OGDH: variants seen among roughly 807,000 people sequenced by gnomAD.
OGDH encodes the protein 2-oxoglutarate dehydrogenase complex component E1.
In OGDH, 38 loss-of-function variants were observed where a neutral mutation model predicts 116.6. That is an observed-to-expected ratio of 0.33 (90% CI 0.25 to 0.43). The LOEUF is 0.43. Among genes scored for constraint, OGDH ranks in the 20% least tolerant of loss-of-function variants. OGDH has a pLI of 1.00. For synonymous variants in OGDH, 488 were observed against 533.3 expected (o/e 0.92, Z 1.17); for missense variants, 825 against 1,357.2 (o/e 0.61, Z 6.16).
chr7:44,698,657 A>T (rs191342889), intron 18 of OGDH, among the ~76,000 whole-genome samples: 34 of 152,032 alleles, frequency 2.2e-4, no homozygotes, highest in Admixed American at 2.0e-3. Flanking sequence ...CCTGGGCAAC[A>T]TGGTGAGACC....
rs778518075 is a variant in OGDH at position 44,675,183 on chromosome 7, G to A, written c.941G>A (p.Arg314Gln). 8 of 1,613,848 alleles carry A rather than the reference G, an allele frequency of 5.0e-6. No homozygotes were observed. Among genetic ancestry groups the A allele is most frequent in the Non-Finnish European group, 5.1e-6 (6 of 1,179,936 alleles). ...YVIMGMPHRG[R>Q]LNVLANVIRK... ...TACTCGCCCATACGTTCCAGAGGGC[G>A]GCTGAACGTGCTTGCAAATGTCATC... The change falls in exon 8 of 23, where the codon CGG (arginine) becomes CAG (glutamine). Residue 314 changes from arginine (R) to glutamine (Q), a missense_variant. By Grantham distance (43) the Arg-to-Gln change is conservative (BLOSUM62 1). Transcript: ENST00000222673.
chr7:44,628,338 C>T (rs1380207430), intron 2 of OGDH, among the ~76,000 whole-genome samples: 2 of 151,668 alleles, frequency 1.3e-5, no homozygotes, highest in South Asian at 2.1e-4. Flanking sequence ...CTTAAAGCTG[C>T]CCTTTTACAT....
In OGDH at chr7:44,707,077, AG is replaced by A. The variant is rs1789111204; in HGVS notation, c.2633-145del. 19 of 743,386 alleles carry A rather than the reference AG, an allele frequency of 2.6e-5. 1 individual carries two copies. The highest frequency in any genetic ancestry group is 3.7e-4 in the Middle Eastern group (1 of 2,678). The allele number at this position is 743,386 out of a possible 1,614,324, so 46.0% of individuals were successfully genotyped here. On this transcript the variant is annotated intron_variant, in intron 20 of 22. Coordinates refer to ENST00000222673, the MANE Select transcript of OGDH (RefSeq NM_002541.4). This position sits in a 1 kb window ranked among gnomAD's most constrained non-coding sequence, Gnocchi z 5.2. ...AAGTGTGCCTGGTCTGAGCAAATACAGGGCATCAGAGGCTGGTGAAGGGGAA... is the reference window on the plus strand; with the variant it reads ...AAGTGTGCCTGGTCTGAGCAAATACAGGCATCAGAGGCTGGTGAAGGGGAA...
intron 2 of OGDH, among the ~76,000 whole-genome samples, chr7:44,637,153 A>G (rs1285511566): frequency 1.3e-5 from 2 of 152,220 alleles, no homozygotes; most frequent in Non-Finnish European, 2.9e-5. Context: ...ATGTGGCAGT[A>G]TCATGAGTCT....
chr7:44,670,790 C>G (rs976788001), intron 5 of OGDH, among the ~76,000 whole-genome samples: 2 of 151,876 alleles, frequency 1.3e-5, no homozygotes, highest in African/African-American at 4.8e-5. Context: ...GCGGGCGAAT[C>G]ACGAGGTCAG....
chr7:44,610,080 G>A (rs546900550), intron 1 of OGDH, among the ~76,000 whole-genome samples: 69 of 151,924 alleles, frequency 4.5e-4, no homozygotes, highest in African/African-American at 1.6e-3. Flanking sequence ...CCTCCCAAAG[G>A]CTAGGATTTC....
intron 3 of OGDH, 34 bp from the exon 4 acceptor site, chr7:44,647,623 T>A (rs1786247382): frequency 6.3e-7 from 1 of 1,592,548 alleles, no homozygotes. Context: ...TCCTTTTGTG[T>A]GTGTCCTTCC....
chr7:44,707,711 A>G lies in OGDH; in HGVS notation c.2926A>G (p.Thr976Ala). 2 of 1,614,162 alleles carry G rather than the reference A, an allele frequency of 1.2e-6. No homozygotes were observed. The highest frequency in any genetic ancestry group is 2.2e-5 in the South Asian group (2 of 91,088). ...CTACGTGAAGCCAAGACTTCGGACCACCATCAGCCGCGCCAAGCCCGTCTG... is the reference window on the plus strand; with the variant it reads ...CTACGTGAAGCCAAGACTTCGGACCGCCATCAGCCGCGCCAAGCCCGTCTG... Reference protein sequence around the residue: ...YDYVKPRLRTTISRAKPVWYA... With the variant: ...YDYVKPRLRTAISRAKPVWYA... Residue 976 changes from threonine (T) to alanine (A), a missense_variant, in exon 22 of 23, where the codon ACC (threonine) becomes GCC (alanine). By Grantham distance (58) the Thr-to-Ala change is moderately conservative. Transcript: ENST00000222673. This position sits in a 1 kb window ranked among gnomAD's most constrained non-coding sequence, Gnocchi z 5.2.
At chr7:44,628,762 CTTCTA>C (rs988179190) in intron 2 of OGDH, among the ~76,000 whole-genome samples, 3 of 151,994 alleles carry the variant, frequency 2.0e-5, no homozygotes, top group African/African-American at 7.2e-5. Context: ...TTAAAAAAAA[CTTCTA>C]TTCTTAAAAT....
intron 2 of OGDH, among the ~76,000 whole-genome samples, chr7:44,637,519 G>T (rs994503181): frequency 1.3e-5 from 2 of 152,114 alleles, no homozygotes; most frequent in Non-Finnish European, 2.9e-5. Context: ...AGAAATAATG[G>T]TATTCATTGG....
rs533523700 is a variant in OGDH at position 44,681,669 on chromosome 7, G to T, written c.1207-51G>T. 119 of 1,583,284 alleles carry T rather than the reference G, an allele frequency of 7.5e-5. No homozygotes were observed. The East Asian group carries it at 2.5e-3, about 33-fold the overall frequency. On this transcript the variant is annotated intron_variant, in intron 9 of 22. Coordinates refer to ENST00000222673, the MANE Select transcript of OGDH (RefSeq NM_002541.4). ...ATGCATTTCCTCTGTTTACCTTGTGGACTTGGCAATCAGAACATTCTGGAT... is the reference window on the plus strand; with the variant it reads ...ATGCATTTCCTCTGTTTACCTTGTGTACTTGGCAATCAGAACATTCTGGAT...
intron 1 of OGDH, among the ~76,000 whole-genome samples, chr7:44,612,919 C>T (rs1235726440): frequency 4.0e-5 from 6 of 149,858 alleles, no homozygotes; most frequent in Admixed American, 2.7e-4. Flanking sequence ...GTCACTCTGT[C>T]GCCCAGGCTG....
chr7:44,646,050 G>A (rs1312651110), intron 3 of OGDH, among the ~76,000 whole-genome samples: 1 of 152,182 alleles, frequency 6.6e-6, no homozygotes, highest in Non-Finnish European at 1.5e-5. Context: ...TGCAGTTAGT[G>A]GCCAGTCTCG....
chr7:44,691,375 A>G (rs1365633443), intron 10 of OGDH, among the ~76,000 whole-genome samples: 2 of 151,826 alleles, frequency 1.3e-5, no homozygotes. Flanking sequence ...AACAAAACAA[A>G]ACAAAAATTA....
intron 19 of OGDH, 144 bp downstream of exon 19, chr7:44,700,413 G>T: frequency 1.9e-6 from 2 of 1,056,332 alleles, no homozygotes; most frequent in Middle Eastern, 3.0e-4. Flanking sequence ...GTGTCAGGGA[G>T]CCTCGCCCTT....
At chr7:44,614,900 G>A (rs1006073793) in intron 1 of OGDH, among the ~76,000 whole-genome samples, 5 of 148,172 alleles carry the variant, frequency 3.4e-5, no homozygotes, top group Middle Eastern at 3.4e-3. Flanking sequence ...GCAGTGGCGC[G>A]ATCTCAGCTC....
chr7:44,671,150 A>G (rs1320813796), intron 5 of OGDH, among the ~76,000 whole-genome samples: 5 of 152,294 alleles, frequency 3.3e-5, no homozygotes, highest in Admixed American at 1.3e-4. Context: ...TTGGCTCACA[A>G]TCTAATTGGG....
chr7:44,630,030 G>A (rs1205722677), intron 2 of OGDH, among the ~76,000 whole-genome samples: 1 of 152,168 alleles, frequency 6.6e-6, no homozygotes, highest in Non-Finnish European at 1.5e-5. Flanking sequence ...TGGCATCGCT[G>A]CTCATCTGTC....
intron 2 of OGDH, among the ~76,000 whole-genome samples, chr7:44,642,368 G>C (rs1399703743): frequency 6.6e-6 from 1 of 152,176 alleles, no homozygotes; most frequent in East Asian, 1.9e-4. Context: ...GGGTTACATT[G>C]AGCCAAGATC....
Sources: allele counts gnomAD v4.1 joint callset (sites outside exome capture counted in the v4.1 genomes callset), GRCh38; gene constraint gnomAD v4.1.1; non-coding constraint Gnocchi (gnomAD v3.1); transcripts MANE v1.5; gene names NCBI Gene and HGNC (gene_info 2026-07-23, HGNC 2026-07-21).